The following ROBO1 variants were observed in gnomAD, a reference collection of about 807,000 sequenced individuals.
ROBO1 encodes the protein roundabout homolog 1.
ROBO1 carries 149 observed loss-of-function variants against 195.9 expected under a neutral mutation model. The ratio of observed to expected loss-of-function variants is 0.76; its 90% confidence interval spans 0.67 to 0.87. ROBO1 has a LOEUF of 0.87. ROBO1 is among the 40% of genes least tolerant of loss of function. ROBO1 has a pLI of 0.00. For missense variants in ROBO1, 1,933 were observed against 2,068.3 expected (o/e 0.93, Z 1.27); for synonymous variants, 816 against 733.2 (o/e 1.11, Z -1.82).
chr3:79,424,725 ATGTAACC>A (rs2038375354), intron 2 of ROBO1, among the ~76,000 whole-genome samples: 1 of 152,130 alleles, frequency 6.6e-6, no homozygotes, highest in Non-Finnish European at 1.5e-5. Flanking sequence ...GTATTATAGA[ATGTAACC>A]TTCTCTGGAT....
intron 4 of ROBO1, among the ~76,000 whole-genome samples, chr3:78,929,357 C>T (rs1165553088): frequency 3.3e-5 from 5 of 152,014 alleles, no homozygotes; most frequent in Admixed American, 6.6e-5. Flanking sequence ...TATTTTATCC[C>T]CTACCAGACA....
chr3:79,429,432 C>T (rs942273922), intron 2 of ROBO1, among the ~76,000 whole-genome samples: 4 of 152,126 alleles, frequency 2.6e-5, no homozygotes, highest in Non-Finnish European at 5.9e-5. Flanking sequence ...GACCCTCTCT[C>T]ACACTCAGGT....
chr3:79,303,723 A>T (rs2109069642), intron 2 of ROBO1, among the ~76,000 whole-genome samples: 1 of 152,262 alleles, frequency 6.6e-6, no homozygotes, highest in Non-Finnish European at 1.5e-5. Flanking sequence ...AACCTGGAAG[A>T]ATGTTAGCAT....
chr3:78,864,291 A>G lies in ROBO1; in HGVS notation c.499+74310T>C, dbSNP rs913055244. Among the ~76,000 whole-genome samples, 7 of 152,142 alleles carry G rather than the reference A, an allele frequency of 4.6e-5. 2 individuals carry two copies. Among genetic ancestry groups the G allele is most frequent in the Non-Finnish European group, 7.4e-5 (5 of 68,016 alleles). On this transcript the variant is annotated intron_variant, in intron 4 of 30. Transcript: ENST00000464233. Reference sequence around the variant, plus strand: ...AAAAGAAATAATTCTGGCATCCACAATGTTTATTAAAGTGAAGACAAATTA... The same window carrying G: ...AAAAGAAATAATTCTGGCATCCACAGTGTTTATTAAAGTGAAGACAAATTA...
chr3:78,970,893 T>A (rs548104496), intron 3 of ROBO1, among the ~76,000 whole-genome samples: 1 of 152,248 alleles, frequency 6.6e-6, no homozygotes, highest in East Asian at 1.9e-4. Flanking sequence ...CTCACCATAG[T>A]TGATATCTCT....
In ROBO1 at chr3:78,651,765, C is replaced by T. The variant is rs554464464; in HGVS notation, c.2779G>A (p.Gly927Arg). ...WLYRHRKKRNGLTSTYAGIRK... is the reference protein window; with the variant it reads ...WLYRHRKKRNRLTSTYAGIRK... ...ATACCCGCGTAGGTACTAGTAAGTC[C>T]GTTTCTCTTCTTGCGGTGTCGATAA... Residue 927 changes from glycine to arginine, a missense_variant, in exon 19 of 31, where the codon GGA (glycine) becomes AGA (arginine). This residue lies in a region of ROBO1 where 1,737 missense variants were observed against 1,882.5 expected (regional missense o/e 0.92). Transcript: ENST00000464233. The T allele has an allele frequency of 1.2e-5, 20 of 1,613,088 alleles. No individual in the cohort carries two copies. Among genetic ancestry groups the T allele is most frequent in the African/African-American group, 4.0e-5 (3 of 74,944 alleles).
intron 4 of ROBO1, among the ~76,000 whole-genome samples, chr3:78,816,773 C>G (rs1216004927): frequency 6.6e-6 from 1 of 152,122 alleles, no homozygotes; most frequent in African/African-American, 2.4e-5. Flanking sequence ...GATGATGCGA[C>G]TGAATTGCTG....
chr3:79,303,279 G>T (rs757582021), intron 2 of ROBO1, among the ~76,000 whole-genome samples: 8 of 147,372 alleles, frequency 5.4e-5, no homozygotes, highest in Non-Finnish European at 1.0e-4. Context: ...TGATTCTCCT[G>T]CCTCAGCCTC....
Position 79,760,236 on chromosome 3 carries a change from C to CAAAAAAAA in ROBO1, c.-51+7508_-51+7515dup, listed in dbSNP as rs11451206. The stretch of plus-strand genomic sequence containing the variant: ...TGGGTGAGACAGTGAGACCCTATCT[C>CAAAAAAAA]AAAAAAAAAAAAAAAAAAAAAAAAA... On this transcript the variant is annotated intron_variant, in intron 1 of 30. Coordinates refer to ENST00000464233, the MANE Select transcript of ROBO1 (RefSeq NM_002941.4). 6.0e-3 allele frequency among the ~76,000 whole-genome samples: 27 copies of CAAAAAAAA among 4,516 alleles called. 6 individuals carry two copies. Among genetic ancestry groups the CAAAAAAAA allele is most frequent in the Non-Finnish European group, 6.9e-3 (16 of 2,330 alleles). 3.0% of individuals were successfully genotyped at this position (4,516 alleles called of 152,430 possible). A position where few individuals can be genotyped will look rare whatever the true frequency, so the allele number is the denominator to read the frequency against.
intron 2 of ROBO1, among the ~76,000 whole-genome samples, chr3:79,412,054 A>G (rs1181209705): frequency 2.0e-5 from 3 of 152,028 alleles, no homozygotes; most frequent in African/African-American, 7.2e-5. Context: ...ACCTCTATTG[A>G]GAGTTCTGTC....
intron 2 of ROBO1, among the ~76,000 whole-genome samples, chr3:79,321,820 T>C (rs2033993181): frequency 6.6e-6 from 1 of 152,192 alleles, no homozygotes; most frequent in Non-Finnish European, 1.5e-5. Flanking sequence ...TGTCCGTAAA[T>C]ATACCAAAAC....
At chr3:79,766,155 G>A (rs1206973840) in intron 1 of ROBO1, among the ~76,000 whole-genome samples, 1 of 151,978 alleles carries the variant, frequency 6.6e-6, no homozygotes, top group African/African-American at 2.4e-5. Context: ...CCCCTTTAGT[G>A]CCGCAGACAG....
chr3:79,349,335 C>T (rs13067596), intron 2 of ROBO1, among the ~76,000 whole-genome samples: 18,782 of 151,934 alleles, frequency 0.12, 1,206 homozygotes, highest in Middle Eastern at 0.16. Context: ...GGAAAATAAC[C>T]ATATTCACTG....
intron 3 of ROBO1, among the ~76,000 whole-genome samples, chr3:79,113,136 G>A (rs72894183): frequency 0.012 from 1,843 of 152,142 alleles, 36 homozygotes; most frequent in African/African-American, 0.042. Context: ...TTCTCTCTGA[G>A]CTTCTTTAAA....
chr3:79,570,936 C>T (rs568587468), intron 2 of ROBO1, among the ~76,000 whole-genome samples: 111 of 152,166 alleles, frequency 7.3e-4, no homozygotes, highest in African/African-American at 2.6e-3. Context: ...ATCATGTTAG[C>T]AACATTTCTA....
intron 2 of ROBO1, among the ~76,000 whole-genome samples, chr3:79,292,287 G>A (rs376102597): frequency 2.6e-5 from 4 of 152,276 alleles, no homozygotes; most frequent in Non-Finnish European, 5.9e-5. Context: ...CTGAGATGAT[G>A]GGGTTTTCTA....
intron 2 of ROBO1, among the ~76,000 whole-genome samples, chr3:79,398,114 AT>A (rs2037220494): frequency 6.6e-6 from 1 of 152,068 alleles, no homozygotes; most frequent in Non-Finnish European, 1.5e-5. Flanking sequence ...CAATCATGTA[AT>A]TTCTGCAATT....
intron 5 of ROBO1, among the ~76,000 whole-genome samples, chr3:78,739,674 T>G (rs996141544): frequency 6.6e-6 from 1 of 152,180 alleles, no homozygotes; most frequent in African/African-American, 2.4e-5. Flanking sequence ...CTGTGTCATC[T>G]TTTAAAAAAC....
chr3:79,268,476 G>A (rs1259165130), intron 2 of ROBO1, among the ~76,000 whole-genome samples: 1 of 151,360 alleles, frequency 6.6e-6, no homozygotes, highest in Non-Finnish European at 1.5e-5. Context: ...TAACAATATG[G>A]TTTGGTCACA....
Sources: allele counts gnomAD v4.1 joint callset (sites outside exome capture counted in the v4.1 genomes callset), GRCh38; gene constraint gnomAD v4.1.1; regional missense constraint gnomAD v4.1.1; transcripts MANE v1.5; gene names NCBI Gene and HGNC (gene_info 2026-07-23, HGNC 2026-07-21).